Variants in SMTN observed in about 807,000 individuals in gnomAD.
SMTN encodes smoothelin.
SMTN carries 58 observed loss-of-function variants against 102.0 expected under a neutral mutation model. That is an observed-to-expected ratio of 0.57 (90% confidence interval 0.46 to 0.71). The LOEUF (loss-of-function observed/expected upper bound fraction) is 0.71, where lower values mean the gene tolerates loss of function less well. SMTN is among the 30% of genes least tolerant of loss of function. The probability of loss-of-function intolerance (pLI) is 0.00; values close to 1 mark genes in which losing one functional copy is unlikely to be tolerated. For missense variants in SMTN, 1,185 were observed against 1,241.7 expected (o/e 0.95, Z 0.69); for synonymous variants, 478 against 497.9 (o/e 0.96, Z 0.53).
upstream of SMTN, among the ~76,000 whole-genome samples, chr22:31,081,081 C>A (rs1188870395): frequency 6.6e-6 from 1 of 152,058 alleles, no homozygotes; most frequent in African/African-American, 2.4e-5. Flanking sequence ...GAGCCTGCGT[C>A]CCCCTGCCGA....
At chr22:31,083,092 G>T (rs1471504592) in intron 1 of SMTN, 87 bp from the exon 2 acceptor site, 2 of 1,522,832 alleles carry the variant, frequency 1.3e-6, no homozygotes, top group Non-Finnish European at 1.8e-6. Context: ...ACGCTCCTAG[G>T]TTAGAGAGGG....
chr22:31,090,721 A>C (rs535078978), intron 8 of SMTN, 87 bp from the exon 9 acceptor site: 65 of 1,043,224 alleles, frequency 6.2e-5, no homozygotes, highest in Non-Finnish European at 9.4e-5. Context: ...GGAGGTGTAG[A>C]GGAGAGGATT....
rs749666639 is a variant in SMTN, at chr22:31,100,899, G to T, written c.2618G>T (p.Cys873Phe). 6.4e-7 allele frequency: 1 copy of T among 1,571,842 alleles called. No individual in the cohort carries two copies. The highest frequency in any genetic ancestry group is 2.4e-5 in the East Asian group (1 of 41,488). ...AFSSAETHAD[C>F]PQLLDTEDMV... ...ACCCTCCCCAGGACCCATGCGGACT[G>T]CCCGCAGCTCCTGGATACAGAGGAC... Residue 873 changes from cysteine (C) to phenylalanine (F), a missense_variant, in exon 20 of 21, where the codon TGC becomes TTC. Coordinates refer to ENST00000333137, the MANE Select transcript of SMTN (RefSeq NM_134269.3).
At chr22:31,085,353 G>C (rs2147600936) in intron 2 of SMTN, 1 of 1,376,036 alleles carries the variant, frequency 7.3e-7, no homozygotes. Context: ...CGGGCCTTCA[G>C]CGCCCCCTGG....
At chr22:31,094,489 C>T (rs943894597) in intron 11 of SMTN, among the ~76,000 whole-genome samples, 4 of 152,078 alleles carry the variant, frequency 2.6e-5, no homozygotes, top group Non-Finnish European at 4.4e-5. Flanking sequence ...ACCTAGGCCT[C>T]GGGAACTGGC....
intron 1 of SMTN, among the ~76,000 whole-genome samples, chr22:31,069,282 A>G (rs546279922): frequency 1.2e-3 from 187 of 152,026 alleles, no homozygotes; most frequent in Middle Eastern, 6.8e-3. Context: ...TAATTAGGCC[A>G]CTCTCGCTTC....
chr22:31,085,383 C>A, intron 2 of SMTN: 1 of 1,180,688 alleles, frequency 8.5e-7, no homozygotes, highest in Non-Finnish European at 1.2e-6. Flanking sequence ...CCTCCACCGC[C>A]GGCGGGACCC....
chr22:31,097,008 A>G lies in SMTN; in HGVS notation c.2037A>G (p.Thr679=). 1 of 1,614,118 alleles carries G rather than the reference A, an allele frequency of 6.2e-7. No individual in the cohort carries two copies. Among genetic ancestry groups the G allele is most frequent in the Non-Finnish European group, 8.5e-7 (1 of 1,180,012 alleles). The part of the protein sequence containing the change: ...TERLVHSNDG[T]RTARTTTVES... ...CCCCTGCCCCTGCAGATGATGGCACACGGACGGCCCGCACCACCACAGTGG... is the reference window on the plus strand; with the variant it reads ...CCCCTGCCCCTGCAGATGATGGCACGCGGACGGCCCGCACCACCACAGTGG... Residue 679 remains threonine (T), a synonymous_variant, in exon 15 of 21, where the codon ACA becomes ACG. Coordinates refer to ENST00000333137, the MANE Select transcript of SMTN (RefSeq NM_134269.3).
Position 31,091,428 on chromosome 22 carries a change from C to A in SMTN, c.1405C>A (p.Arg469Ser). 1 of 1,552,260 alleles carries A rather than the reference C, an allele frequency of 6.4e-7. No individual in the cohort carries two copies. The highest frequency in any genetic ancestry group is 8.7e-7 in the Non-Finnish European group (1 of 1,153,704). Residue 469 changes from arginine (R) to serine (S), a missense_variant, in exon 10 of 21, where the codon CGT becomes AGT. Physicochemically the swap from Arg to Ser is moderately radical, Grantham distance 110 (BLOSUM62 -1). Coordinates refer to ENST00000333137, the MANE Select transcript of SMTN (RefSeq NM_134269.3). ...ATTCACCATCGAGATCAAGGACGGCCGTGGCCAGGCCTCCACAGGCCGGGT... is the reference window on the plus strand; with the variant it reads ...ATTCACCATCGAGATCAAGGACGGCAGTGGCCAGGCCTCCACAGGCCGGGT... ...TTFTIEIKDG[R>S]GQASTGRVLL...
At position 31,095,140 on chromosome 22, in the gene SMTN, G is replaced by GA. The variant is rs532324815; in HGVS notation, c.1633-162dup. Reference sequence around the variant, plus strand: ...ACAAAACTGTCAGTGCCTCTTCCCTGACTGACGCTGACATGGCCATCTTTG... The same window carrying GA: ...ACAAAACTGTCAGTGCCTCTTCCCTGAACTGACGCTGACATGGCCATCTTTG... On this transcript the variant is annotated intron_variant, in intron 11 of 20. Coordinates refer to ENST00000333137, the MANE Select transcript of SMTN (RefSeq NM_134269.3). This position sits in a 1 kb window ranked among gnomAD's most constrained non-coding sequence, Gnocchi z 4.1. Among the ~76,000 whole-genome samples, 13 of 152,336 alleles carry GA rather than the reference G, an allele frequency of 8.5e-5. No individual in the cohort carries two copies. The South Asian group carries it at 2.7e-3, about 32-fold the overall frequency.
chr22:31,095,726 CCTT>C lies in SMTN; in HGVS notation c.1861+120_1861+122del. 1 of 859,708 alleles carries C rather than the reference CCTT, an allele frequency of 1.2e-6. No individual in the cohort carries two copies. The highest frequency in any genetic ancestry group is 1.6e-5 in the South Asian group (1 of 60,876). The allele number at this position is 859,708 out of a possible 1,614,324, so 53.3% of individuals were successfully genotyped here. A position where few individuals can be genotyped will look rare whatever the true frequency, so the allele number is the denominator to read the frequency against. ...TTAATAACTGCCCTACCCAGCTTCT[CCTT>C]CTCTAGACCCAGCAGTTCCCTTGGC... On this transcript the variant is annotated intron_variant, in intron 13 of 20. Transcript: ENST00000333137. This position sits in a 1 kb window ranked among gnomAD's most constrained non-coding sequence, Gnocchi z 4.1.
At chr22:31,082,807 G>GA (rs1443347379) in intron 1 of SMTN, 24 of 1,468,142 alleles carry the variant, frequency 1.6e-5, no homozygotes, top group Non-Finnish European at 2.1e-5. Context: ...GGTGGGGCAG[G>GA]AAACTGGAGA....
In SMTN at chr22:31,081,420, G is replaced by A. The variant is rs1467213244; in HGVS notation, c.-117G>A. On this transcript the variant is annotated 5_prime_UTR_variant, in exon 1 of 21. Transcript: ENST00000333137. ...GTCTGTCGGGTCCCGAAAGAGCTAA[G>A]CCGAGCCTGCGCCGGACGGGTGGGC... 6.6e-6 allele frequency: 1 copy of A among 152,368 alleles called. No individual in the cohort carries two copies. The allele number at this position is 152,368 out of a possible 1,614,324, so 9.4% of individuals were successfully genotyped here.
intron 1 of SMTN, chr22:31,082,270 A>T (rs1236908699): frequency 4.2e-6 from 1 of 236,748 alleles, no homozygotes; most frequent in Non-Finnish European, 8.9e-6. Flanking sequence ...GGGCTACAGG[A>T]GGAAGGAGAG....
intron 2 of SMTN, chr22:31,085,308 C>T: frequency 6.7e-7 from 1 of 1,484,962 alleles, no homozygotes; most frequent in Non-Finnish European, 9.0e-7. Context: ...GAGGCGAGGG[C>T]GGCGCCCTGC....
At chr22:31,085,360 C>T in intron 2 of SMTN, 1 of 1,348,136 alleles carries the variant, frequency 7.4e-7, no homozygotes, top group Non-Finnish European at 9.9e-7. Context: ...TCAGCGCCCC[C>T]TGGCGAGGCT....
rs755646877 is a variant in SMTN at position 31,095,469 on chromosome 22, C to T, written c.1785+14C>T. ...TTGGACAAGATGGTATAGCCAGATC[C>T]GGTGGGCTGGGGGTTGGCAGAGGCC... On this transcript the variant is annotated intron_variant, in intron 12 of 20. Coordinates refer to ENST00000333137, the MANE Select transcript of SMTN (RefSeq NM_134269.3). The surrounding 1 kb of genome is among the most constrained non-coding windows in gnomAD (Gnocchi z 4.1). 6.2e-6 allele frequency: 10 copies of T among 1,614,180 alleles called. No homozygotes were observed. Among genetic ancestry groups the T allele is most frequent in the East Asian group, 4.5e-5 (2 of 44,886 alleles).
intron 1 of SMTN, among the ~76,000 whole-genome samples, chr22:31,081,768 C>T (rs959387894): frequency 6.6e-6 from 1 of 152,134 alleles, no homozygotes; most frequent in African/African-American, 2.4e-5. Flanking sequence ...AGAAGAGCAG[C>T]GGCAGGGATC....
chr22:31,091,405 T>A lies in SMTN; in HGVS notation c.1382T>A (p.Phe461Tyr), dbSNP rs750950339. Residue 461 changes from phenylalanine to tyrosine, a missense_variant, in exon 10 of 21, where the codon TTC becomes TAC. By Grantham distance (22) the Phe-to-Tyr change is conservative (BLOSUM62 3). Around this residue, in one of 2 missense-constraint regions of SMTN, gnomAD observed 1,096 missense variants for 1,112.7 expected, o/e 0.98. Transcript: ENST00000333137. ...CCAGGGGGCAGTATGAAGACCACAT[T>A]CACCATCGAGATCAAGGACGGCCGT... ...AEPGGSMKTTFTIEIKDGRGQ... is the reference protein window; with the variant it reads ...AEPGGSMKTTYTIEIKDGRGQ... 6.3e-6 allele frequency: 10 copies of A among 1,577,066 alleles called. No individual in the cohort carries two copies. The highest frequency in any genetic ancestry group is 8.6e-6 in the Non-Finnish European group (10 of 1,167,152).
Sources: allele counts gnomAD v4.1 joint callset (sites outside exome capture counted in the v4.1 genomes callset), GRCh38; gene constraint gnomAD v4.1.1; regional missense constraint gnomAD v4.1.1; non-coding constraint Gnocchi (gnomAD v3.1); transcripts MANE v1.5; gene names NCBI Gene and HGNC (gene_info 2026-07-23, HGNC 2026-07-21).